Variants in CARD6 observed in about 807,000 individuals in gnomAD.
The protein encoded by CARD6 is caspase recruitment domain-containing protein 6.
CARD6 carries 27 observed loss-of-function variants against 23.6 expected under a neutral mutation model. The observed-to-expected ratio is 1.14, with a 90% CI of 0.84 to 1.58. The LOEUF (loss-of-function observed/expected upper bound fraction) is 1.58. Ranked by LOEUF, CARD6 falls within the 40% of genes most tolerant of loss-of-function variation. CARD6 has a pLI of 0.00. For missense variants in CARD6, 1,214 were observed against 1,209.9 expected, an observed-to-expected ratio of 1.00 and a Z score of -0.05; for synonymous variants, 397 against 431.8, an observed-to-expected ratio of 0.92 and a Z score of 1.00.
intron 2 of CARD6, among the ~76,000 whole-genome samples, chr5:40,851,900 T>C (rs1005368845): frequency 1.3e-5 from 2 of 151,946 alleles, no homozygotes; most frequent in East Asian, 1.9e-4. Context: ...CCCAGCACTT[T>C]GGGAGTTTCG....
chr5:40,851,869 A>C (rs1746071480), intron 2 of CARD6, among the ~76,000 whole-genome samples: 1 of 152,036 alleles, frequency 6.6e-6, no homozygotes, highest in South Asian at 2.1e-4. Flanking sequence ...CAGGCTGGGC[A>C]CAGTGACTCA....
At position 40,853,965 on chromosome 5, in the gene CARD6, T is replaced by C. The variant is rs1426906343; in HGVS notation, c.2633T>C (p.Leu878Ser). ...PQQACTRVTE[L>S]TEATGKLIRT... ...CAAGCTTGCACCAGGGTAACAGAGT[T>C]AACTGAAGCAACTGGAAAACTGATA... is the stretch of plus-strand genomic sequence containing the variant. The change falls in exon 3 of 3, where the codon TTA (leucine) becomes TCA (serine). Residue 878 changes from leucine to serine, a missense_variant. By Grantham distance (145) the Leu-to-Ser change is moderately radical. Coordinates refer to ENST00000254691, the MANE Select transcript of CARD6 (RefSeq NM_032587.4). 6.2e-7 allele frequency: 1 copy of C among 1,614,170 alleles called. No homozygotes were observed. The highest frequency in any genetic ancestry group is 2.2e-5 in the East Asian group (1 of 44,884).
chr5:40,848,701 A>G (rs323565), intron 2 of CARD6, among the ~76,000 whole-genome samples: 83,105 of 151,792 alleles, frequency 0.55, 23,576 homozygotes, highest in African/African-American at 0.72. Context: ...ATATTATTTT[A>G]GTCTGTTTTT....
intron 2 of CARD6, among the ~76,000 whole-genome samples, chr5:40,846,807 T>G (rs115829547): frequency 0.031 from 4,779 of 152,326 alleles, 110 homozygotes; most frequent in Non-Finnish European, 0.049. Context: ...AAGATAAAGA[T>G]GCTATTTACA....
intron 2 of CARD6, among the ~76,000 whole-genome samples, chr5:40,845,831 A>C (rs1469621861): frequency 1.3e-5 from 2 of 151,442 alleles, no homozygotes; most frequent in Non-Finnish European, 2.9e-5. Context: ...ATAACAAATC[A>C]TCTGAAAATT....
Position 40,843,382 on chromosome 5 carries a change from C to A in CARD6, c.514C>A (p.Pro172Thr), listed in dbSNP as rs1745909664. 1 of 1,613,662 alleles carries A rather than the reference C, an allele frequency of 6.2e-7. No homozygotes were observed. The highest frequency in any genetic ancestry group is 8.5e-7 in the Non-Finnish European group (1 of 1,179,752). The change falls in exon 2 of 3, where the codon CCA becomes ACA. Residue 172 changes from proline to threonine, a missense_variant. Transcript: ENST00000254691. The part of the protein sequence containing the change: ...ARKNEKEYDT[P>T]EVTLSYSVEK... The stretch of plus-strand genomic sequence containing the variant: ...GAAGAATGAGAAGGAATATGACACA[C>A]CAGAAGTCACATTATCATATTCAGT...
rs567928213 is a variant in CARD6, at chr5:40,842,580, C to T, written c.284-572C>T. ...CACTGTTCATATGATTCAAATTTTT[C>T]GTTTTATTCACTTACCCTGTAAGGT... On this transcript the variant is annotated intron_variant, in intron 1 of 2. Coordinates refer to ENST00000254691, the MANE Select transcript of CARD6 (RefSeq NM_032587.4). 1.8e-4 allele frequency among the ~76,000 whole-genome samples: 28 copies of T among 152,062 alleles called. 1 individual carries two copies. In the South Asian group the frequency reaches 2.9e-3, roughly 16 times the overall value.
chr5:40,846,355 A>C (rs1437671515), intron 2 of CARD6, among the ~76,000 whole-genome samples: 1 of 150,188 alleles, frequency 6.7e-6, no homozygotes, highest in Admixed American at 6.7e-5. Context: ...AGAAAGGGAG[A>C]GAGAGCAAGG....
rs761518563 is a variant in CARD6 at position 40,853,303 on chromosome 5, A to T, written c.1971A>T (p.Val657=). 27 of 1,614,080 alleles carry T rather than the reference A, an allele frequency of 1.7e-5. No individual in the cohort carries two copies. Among genetic ancestry groups the T allele is most frequent in the Non-Finnish European group, 1.9e-5 (22 of 1,180,026 alleles). The change falls in exon 3 of 3, where the codon GTA becomes GTT. Residue 657 remains valine, a synonymous_variant. Coordinates refer to ENST00000254691, the MANE Select transcript of CARD6 (RefSeq NM_032587.4). ...TGGCCAGGGAGCTGGGGATTCAGGTAGATGAAGACTTTGAAAACACTCAGA... is the reference window on the plus strand; with the variant it reads ...TGGCCAGGGAGCTGGGGATTCAGGTTGATGAAGACTTTGAAAACACTCAGA... ...AALARELGIQ[V]DEDFENTQRI...
Position 40,852,821 on chromosome 5 carries a change from C to T in CARD6, c.1489C>T (p.Pro497Ser), listed in dbSNP as rs1579806430. 2 of 1,614,194 alleles carry T rather than the reference C, an allele frequency of 1.2e-6. No homozygotes were observed. Among genetic ancestry groups the T allele is most frequent in the East Asian group, 2.2e-5 (1 of 44,884 alleles). The change falls in exon 3 of 3, where the codon CCC becomes TCC. Residue 497 changes from proline (P) to serine (S), a missense_variant. Transcript: ENST00000254691. ...LHQDLPLLVL[P>S]RQISDGLVEI... ...TCAAGATTTGCCTCTTTTGGTGCTT[C>T]CCCGGCAAATCTCTGATGGCCTGGT... is the stretch of plus-strand genomic sequence containing the variant.
In CARD6 at chr5:40,853,412, T is replaced by C; in HGVS notation, c.2080T>C (p.Ser694Pro). 1 of 1,614,080 alleles carries C rather than the reference T, an allele frequency of 6.2e-7. No homozygotes were observed. The highest frequency in any genetic ancestry group is 8.5e-7 in the Non-Finnish European group (1 of 1,180,022). ...AAGACACAGTCAGCTAAAAAGCTCA[T>C]CTAAAAGCCAGGCTCTAATGCCAAT... ...QQRHSQLKSS[S>P]KSQALMPIQE... Residue 694 changes from serine (S) to proline (P), a missense_variant, in exon 3 of 3, where the codon TCT becomes CCT. Ser to Pro is a moderately conservative substitution (Grantham distance 74). Coordinates refer to ENST00000254691, the MANE Select transcript of CARD6 (RefSeq NM_032587.4).
intron 2 of CARD6, among the ~76,000 whole-genome samples, chr5:40,848,227 T>TTGA (rs1745997256): frequency 6.7e-6 from 1 of 149,308 alleles, no homozygotes; most frequent in Non-Finnish European, 1.5e-5. Context: ...TTTTTTTTTT[T>TTGA]GAGACAGAGT....
At position 40,852,996 on chromosome 5, in the gene CARD6, T is replaced by G; in HGVS notation, c.1664T>G (p.Phe555Cys). The G allele has an allele frequency of 6.2e-7, 1 of 1,614,248 alleles. No homozygotes were observed. Among genetic ancestry groups the G allele is most frequent in the Non-Finnish European group, 8.5e-7 (1 of 1,180,040 alleles). Residue 555 changes from phenylalanine to cysteine, a missense_variant, in exon 3 of 3, where the codon TTT becomes TGT. Physicochemically the swap from Phe to Cys is radical, Grantham distance 205. Coordinates refer to ENST00000254691, the MANE Select transcript of CARD6 (RefSeq NM_032587.4). ...FLMEVSSAVF[F>C]FTDCLGEKEW... ...ATGGAAGTTTCTTCAGCTGTGTTTT[T>G]TTTCACTGACTGTTTAGGTGAGAAG...
Position 40,852,719 on chromosome 5 carries a change from T to C in CARD6, c.1387T>C (p.Cys463Arg), listed in dbSNP as rs771913807. 7 of 1,613,700 alleles carry C rather than the reference T, an allele frequency of 4.3e-6. No homozygotes were observed. The highest frequency in any genetic ancestry group is 1.1e-5 in the South Asian group (1 of 91,034). Reference sequence around the variant, plus strand: ...CATCTCTTTTGTGCGTCTAGGATACTGTAGCTTCTCTAAGTCCAGAATCCT... The same window carrying C: ...CATCTCTTTTGTGCGTCTAGGATACCGTAGCTTCTCTAAGTCCAGAATCCT... ...PVISFVRLGY[C>R]SFSKSRILNT... The change falls in exon 3 of 3, where the codon TGT becomes CGT. Residue 463 changes from cysteine (C) to arginine (R), a missense_variant. Cys to Arg is a radical substitution (Grantham distance 180). Transcript: ENST00000254691.
rs563178544 is a variant in CARD6 at position 40,853,948 on chromosome 5, C to G, written c.2616C>G (p.Cys872Trp). 4 of 1,614,138 alleles carry G rather than the reference C, an allele frequency of 2.5e-6. No homozygotes were observed. The highest frequency in any genetic ancestry group is 2.2e-5 in the East Asian group (1 of 44,876). The change falls in exon 3 of 3, where the codon TGC (cysteine) becomes TGG (tryptophan). Residue 872 changes from cysteine to tryptophan, a missense_variant. Cys to Trp is a radical substitution (Grantham distance 215). Coordinates refer to ENST00000254691, the MANE Select transcript of CARD6 (RefSeq NM_032587.4). ...GGAAGCCATGGCCTCAGCAAGCTTGCACCAGGGTAACAGAGTTAACTGAAG... is the reference window on the plus strand; with the variant it reads ...GGAAGCCATGGCCTCAGCAAGCTTGGACCAGGGTAACAGAGTTAACTGAAG... ...AVGKPWPQQA[C>W]TRVTELTEAT...
At position 40,841,441 on chromosome 5, in the gene CARD6, A is replaced by T. The variant is rs775367800; in HGVS notation, c.59A>T (p.Glu20Val). Reference protein sequence around the residue: ...IIERERKKLLEILQHDPDSIL... With the variant: ...IIERERKKLLVILQHDPDSIL... Reference sequence around the variant, plus strand: ...GAAAGAGAAAGAAAAAAGTTGCTTGAAATCCTTCAACATGATCCTGATTCT... The same window carrying T: ...GAAAGAGAAAGAAAAAAGTTGCTTGTAATCCTTCAACATGATCCTGATTCT... The change falls in exon 1 of 3, where the codon GAA (glutamate) becomes GTA (valine). Residue 20 changes from glutamate to valine, a missense_variant. Glu to Val is a moderately radical substitution (Grantham distance 121). Transcript: ENST00000254691. 1 of 1,613,300 alleles carries T rather than the reference A, an allele frequency of 6.2e-7. No homozygotes were observed. The highest frequency in any genetic ancestry group is 8.5e-7 in the Non-Finnish European group (1 of 1,179,750).
rs753754390 is a variant in CARD6, at chr5:40,853,344, C to G, written c.2012C>G (p.Ser671Cys). ...AACACTCAGAGAATTCAAGTTTCCT[C>G]TGGAGAAAACATGGCTGGGACAGCT... is the stretch of plus-strand genomic sequence containing the variant. ...FENTQRIQVS[S>C]GENMAGTAEG... The change falls in exon 3 of 3, where the codon TCT (serine) becomes TGT (cysteine). Residue 671 changes from serine to cysteine, a missense_variant. Coordinates refer to ENST00000254691, the MANE Select transcript of CARD6 (RefSeq NM_032587.4). The G allele has an allele frequency of 1.2e-6, 2 of 1,614,166 alleles. No individual in the cohort carries two copies. Among genetic ancestry groups the G allele is most frequent in the Non-Finnish European group, 1.7e-6 (2 of 1,180,016 alleles).
chr5:40,853,082 A>C lies in CARD6; in HGVS notation c.1750A>C (p.Ser584Arg). 1.2e-6 allele frequency: 2 copies of C among 1,614,174 alleles called. No individual in the cohort carries two copies. The highest frequency in any genetic ancestry group is 2.2e-5 in the South Asian group (2 of 91,088). Residue 584 changes from serine (S) to arginine (R), a missense_variant, in exon 3 of 3, where the codon AGT (serine) becomes CGT (arginine). Ser to Arg is a moderately radical substitution (Grantham distance 110). Transcript: ENST00000254691. Reference sequence around the variant, plus strand: ...CATTGAAAGATGCTACTTTGTTCTCAGTTCCCAAGCCAGGGAGAGTGAAGA... The same window carrying C: ...CATTGAAAGATGCTACTTTGTTCTCCGTTCCCAAGCCAGGGAGAGTGAAGA... The part of the protein sequence containing the change: ...AAIERCYFVL[S>R]SQARESEEAQ...
intron 2 of CARD6, among the ~76,000 whole-genome samples, chr5:40,847,177 A>T (rs1474907103): frequency 6.6e-6 from 1 of 152,188 alleles, no homozygotes; most frequent in Non-Finnish European, 1.5e-5. Flanking sequence ...CCCAAGTAAT[A>T]TTTGTCTGTG....
Sources: allele counts gnomAD v4.1 joint callset (sites outside exome capture counted in the v4.1 genomes callset), GRCh38; gene constraint gnomAD v4.1.1; transcripts MANE v1.5; gene names NCBI Gene and HGNC (gene_info 2026-07-23, HGNC 2026-07-21).